ISY1: variants seen among roughly 807,000 people sequenced by gnomAD.
ISY1 encodes ISY1 spliceosome associated protein.
Under a neutral mutation model 54.4 loss-of-function variants are expected in ISY1, and 12 were observed. The observed-to-expected ratio is 0.22, with a 90% CI of 0.14 to 0.36. The LOEUF (loss-of-function observed/expected upper bound fraction) is 0.36. ISY1 is among the 10% of genes least tolerant of loss of function. ISY1 has a pLI of 1.00. For missense variants in ISY1, 282 were observed against 342.2 expected (o/e 0.82, Z 1.39); for synonymous variants, 96 against 117.9 (o/e 0.81, Z 1.20).
chr3:129,151,788 G>C (rs1194834997), intron 5 of ISY1, among the ~76,000 whole-genome samples: 1 of 152,084 alleles, frequency 6.6e-6, no homozygotes, highest in African/African-American at 2.4e-5. Flanking sequence ...GGATGTCTTT[G>C]CCTCGTTCCT....
In ISY1 at chr3:129,128,318, G is replaced by C. The variant is rs1427782288; in HGVS notation, c.*1763C>G. 1 of 151,908 alleles carries C rather than the reference G, an allele frequency of 6.6e-6. No individual in the cohort carries two copies. The highest frequency in any genetic ancestry group is 1.5e-5 in the Non-Finnish European group (1 of 68,044). The allele number at this position is 151,908 out of a possible 1,614,324, so 9.4% of individuals were successfully genotyped here. On this transcript the variant is annotated 3_prime_UTR_variant, in exon 11 of 11. Transcript: ENST00000393295. ...GCCTCCGGGCTTGACTGAGGGCTGG[G>C]ATTGGCCAGCCCAGCCCTCAGGGAA... is the stretch of plus-strand genomic sequence containing the variant.
At chr3:129,160,729 A>G (rs1267361901) in intron 1 of ISY1, among the ~76,000 whole-genome samples, 1 of 152,200 alleles carries the variant, frequency 6.6e-6, no homozygotes, top group Non-Finnish European at 1.5e-5. Context: ...CCCTCAGGTT[A>G]ACCTAAAGAG....
At chr3:129,160,918 G>GCCCCGGGGGGGGGGGGCCCC in intron 1 of ISY1, 55 bp downstream of exon 1, 2 of 666,128 alleles carry the variant, frequency 3.0e-6, no homozygotes, top group East Asian at 5.6e-5. Flanking sequence ...TGGACTGGGC[G>GCCCCGGGGGGGGGGGGCCCC]CCCCCCCGCC....
intron 5 of ISY1, among the ~76,000 whole-genome samples, chr3:129,147,404 T>C (rs1936800260): frequency 6.6e-6 from 1 of 151,836 alleles, no homozygotes; most frequent in South Asian, 2.1e-4. Context: ...AAAAAATACA[T>C]TTTAGAACCT....
rs113443810 is a variant in ISY1 at position 129,141,193 on chromosome 3, TTAAATAAATAAATAAATAAA to T, written c.301-728_301-709del. 7.2e-5 allele frequency among the ~76,000 whole-genome samples: 10 copies of T among 139,706 alleles called. No homozygotes were observed. The South Asian group carries it at 2.1e-3, about 29-fold the overall frequency. 91.7% of individuals were successfully genotyped at this position (139,706 alleles called of 152,430 possible). A position where few individuals can be genotyped will look rare whatever the true frequency, so the allele number is the denominator to read the frequency against. ...GTACTCCAGCCAGGGCTGGAGTAAATTAAATAAATAAATAAATAAATAAATAAATAAATAAATAAAAAACA... is the reference window on the plus strand; with the variant it reads ...GTACTCCAGCCAGGGCTGGAGTAAATTAAATAAATAAATAAATAAAAAACA... On this transcript the variant is annotated intron_variant, in intron 6 of 10. Coordinates refer to ENST00000393295, the MANE Select transcript of ISY1 (RefSeq NM_020701.4).
In ISY1 at chr3:129,140,632, G is replaced by A. The variant is rs140435642; in HGVS notation, c.301-147C>T. The A allele has an allele frequency of 9.6e-3, 8,067 of 837,788 alleles. 122 individuals are homozygous for A. Among genetic ancestry groups the A allele is most frequent in the Non-Finnish European group, 9.3e-3 (5,205 of 559,694 alleles). 51.9% of individuals were successfully genotyped at this position (837,788 alleles called of 1,614,324 possible). A position where few individuals can be genotyped will look rare whatever the true frequency, so the allele number is the denominator to read the frequency against. The stretch of plus-strand genomic sequence containing the variant: ...GCTCTGTTGCCCAGGCTGGAGTGCA[G>A]TAGCACAATCTCACTGCAACCTCCA... On this transcript the variant is annotated intron_variant, in intron 6 of 10. Coordinates refer to ENST00000393295, the MANE Select transcript of ISY1 (RefSeq NM_020701.4).
Position 129,159,162 on chromosome 3 carries a change from T to C in ISY1, c.18A>G (p.Glu6=). The C allele has an allele frequency of 6.2e-7, 1 of 1,604,786 alleles. No homozygotes were observed. MARNA[E]KAMTALARFR... is the part of the protein sequence containing the mutation. ...AACAAGTTGATACTTACATGGCCTT[T>C]TCTGCATTTCGGGCCTGGAAAGAGA... The change falls in exon 2 of 11, where the codon GAA becomes GAG. Residue 6 remains glutamate, a synonymous_variant. Transcript: ENST00000393295.
In ISY1 at chr3:129,156,863, T is replaced by C. The variant is rs771429395; in HGVS notation, c.136A>G (p.Arg46Gly). ...ATTTACCCAGAACATACCTGTCGTC[T>C]CCACTTCTCAGCTTTAGGCAGTTCA... ...CTELPKAEKW[R>G]RQIIGEISKK... The change falls in exon 4 of 11, where the codon AGA (arginine) becomes GGA (glycine). Residue 46 changes from arginine to glycine, a missense_variant. Arg to Gly is a moderately radical substitution (Grantham distance 125). Transcript: ENST00000393295. 1.2e-6 allele frequency: 2 copies of C among 1,613,908 alleles called. No individual in the cohort carries two copies.
intron 1 of ISY1, among the ~76,000 whole-genome samples, chr3:129,159,860 T>C (rs1937253127): frequency 6.6e-6 from 1 of 152,172 alleles, no homozygotes; most frequent in East Asian, 1.9e-4. Flanking sequence ...ATGAGACAAA[T>C]ACACCAGGCA....
chr3:129,153,964 T>G (rs1416419797), intron 5 of ISY1, among the ~76,000 whole-genome samples: 1 of 151,852 alleles, frequency 6.6e-6, no homozygotes, highest in Non-Finnish European at 1.5e-5. Context: ...AAAATTTGGC[T>G]GGGCGCCATG....
intron 7 of ISY1, among the ~76,000 whole-genome samples, 170 bp downstream of exon 7, chr3:129,140,198 G>C (rs984056810): frequency 5.3e-5 from 8 of 152,170 alleles, no homozygotes; most frequent in African/African-American, 1.9e-4. Flanking sequence ...ATGGGCCTAT[G>C]ATTCTATCCC....
intron 5 of ISY1, among the ~76,000 whole-genome samples, chr3:129,149,291 T>C (rs967999327): frequency 9.9e-5 from 15 of 151,250 alleles, no homozygotes; most frequent in African/African-American, 3.2e-4. Context: ...TAGCTGGGTA[T>C]GGTGACACAT....
intron 7 of ISY1, among the ~76,000 whole-genome samples, chr3:129,135,213 G>T (rs1936355408): frequency 6.6e-6 from 1 of 152,100 alleles, no homozygotes; most frequent in South Asian, 2.1e-4. Context: ...CGGGCGTGGT[G>T]GTGCGCACCT....
intron 5 of ISY1, among the ~76,000 whole-genome samples, chr3:129,156,118 G>A (rs1329023817): frequency 6.6e-6 from 1 of 151,976 alleles, no homozygotes; most frequent in Non-Finnish European, 1.5e-5. Flanking sequence ...CATGTATTAG[G>A]CCGGGCATAG....
chr3:129,128,351 G>A lies in ISY1; in HGVS notation c.*1730C>T, dbSNP rs949936733. On this transcript the variant is annotated 3_prime_UTR_variant, in exon 11 of 11. Transcript: ENST00000393295. ...AGCCCAGCCCTCAGGGAAGCCAGGAGGCAGGGGGGCCCCTTCCCCATCCTC... is the reference window on the plus strand; with the variant it reads ...AGCCCAGCCCTCAGGGAAGCCAGGAAGCAGGGGGGCCCCTTCCCCATCCTC... 3 of 151,944 alleles carry A rather than the reference G, an allele frequency of 2.0e-5. No homozygotes were observed. Among genetic ancestry groups the A allele is most frequent in the Non-Finnish European group, 4.4e-5 (3 of 67,992 alleles). 9.4% of individuals were successfully genotyped at this position (151,944 alleles called of 1,614,324 possible).
chr3:129,158,087 G>A (rs552579297), intron 3 of ISY1, among the ~76,000 whole-genome samples: 2 of 151,548 alleles, frequency 1.3e-5, no homozygotes, highest in African/African-American at 4.8e-5. Context: ...TCAAACTCCT[G>A]TCCTCAAGTG....
chr3:129,132,120 C>T (rs993552539), intron 9 of ISY1, among the ~76,000 whole-genome samples: 1 of 152,096 alleles, frequency 6.6e-6, no homozygotes, highest in Admixed American at 6.6e-5. Flanking sequence ...GTGACCACCA[C>T]CCCCGGCCAG....
intron 7 of ISY1, among the ~76,000 whole-genome samples, chr3:129,135,882 T>C (rs1936382171): frequency 6.6e-6 from 1 of 152,112 alleles, no homozygotes; most frequent in African/African-American, 2.4e-5. Context: ...TGATTGTAAA[T>C]TGCAGAATAT....
chr3:129,134,211 G>C lies in ISY1; in HGVS notation c.542-16C>G. 6.2e-7 allele frequency: 1 copy of C among 1,614,030 alleles called. No homozygotes were observed. The highest frequency in any genetic ancestry group is 8.5e-7 in the Non-Finnish European group (1 of 1,180,012). The stretch of plus-strand genomic sequence containing the variant: ...TCGGCTCTGACTGAACACAAGAGAG[G>C]GTAGGTGCTATTTATTTGTCTCTAA... On this transcript the variant is annotated splice_polypyrimidine_tract_variant and intron_variant, in intron 8 of 10. Coordinates refer to ENST00000393295, the MANE Select transcript of ISY1 (RefSeq NM_020701.4).
Sources: allele counts gnomAD v4.1 joint callset (sites outside exome capture counted in the v4.1 genomes callset), GRCh38; gene constraint gnomAD v4.1.1; transcripts MANE v1.5; gene names NCBI Gene and HGNC (gene_info 2026-07-23, HGNC 2026-07-21).